The following PREP variants were observed in gnomAD, a reference collection of about 807,000 sequenced individuals.
PREP encodes the protein dJ355L5.1 (prolyl endopeptidase).
A neutral mutation model predicts 87.6 loss-of-function variants in PREP; 29 were observed. The observed-to-expected ratio is 0.33, with a 90% CI of 0.25 to 0.45. The LOEUF (loss-of-function observed/expected upper bound fraction) is 0.45, where lower values mean the gene tolerates loss of function less well. PREP is among the 20% of genes least tolerant of loss of function. The probability of loss-of-function intolerance (pLI) is 1.00; values close to 1 mark genes in which losing one functional copy is unlikely to be tolerated. For synonymous variants in PREP, 337 were observed against 328.6 expected, an observed-to-expected ratio of 1.03 and a Z score of -0.28; for missense variants, 695 against 886.5, an observed-to-expected ratio of 0.78 and a Z score of 2.74.
intron 1 of PREP, among the ~76,000 whole-genome samples, chr6:105,400,544 G>A (rs1773400356): frequency 6.6e-6 from 1 of 152,008 alleles, no homozygotes; most frequent in Non-Finnish European, 1.5e-5. Flanking sequence ...TTACCCAACT[G>A]GTCAACTTCC....
chr6:105,392,668 C>T (rs1773183898), intron 2 of PREP, among the ~76,000 whole-genome samples: 1 of 152,182 alleles, frequency 6.6e-6, no homozygotes, highest in Non-Finnish European at 1.5e-5. Flanking sequence ...CCTCTGCCTC[C>T]TGGGTTCAAG....
intron 14 of PREP, chr6:105,281,411 T>C (rs772532440): frequency 8.2e-5 from 15 of 183,212 alleles, no homozygotes; most frequent in South Asian, 1.4e-4. Flanking sequence ...TTTATGTGAT[T>C]TGGGACCCCT....
At chr6:105,282,880 T>G (rs1770112893) in intron 12 of PREP, among the ~76,000 whole-genome samples, 1 of 152,176 alleles carries the variant, frequency 6.6e-6, no homozygotes, top group Admixed American at 6.5e-5. Flanking sequence ...TGTATGATAA[T>G]GAAAGGATAG....
intron 7 of PREP, among the ~76,000 whole-genome samples, chr6:105,351,800 G>A (rs1259665886): frequency 1.3e-5 from 2 of 152,130 alleles, no homozygotes; most frequent in Non-Finnish European, 2.9e-5. Flanking sequence ...CCCTGACAGA[G>A]AATGCAAACA....
At chr6:105,402,776 C>T in intron 1 of PREP, 71 bp downstream of exon 1, 1 of 1,385,832 alleles carries the variant, frequency 7.2e-7, no homozygotes. Flanking sequence ...AGAGGAGCTG[C>T]GGGTGCCACG....
At chr6:105,301,745 A>T (rs1342671383) in intron 10 of PREP, among the ~76,000 whole-genome samples, 1 of 152,220 alleles carries the variant, frequency 6.6e-6, no homozygotes, top group East Asian at 1.9e-4. Flanking sequence ...CAGTCTATTT[A>T]AAATCTGTTT....
chr6:105,372,450 A>T (rs1772585787), intron 5 of PREP, among the ~76,000 whole-genome samples: 1 of 152,166 alleles, frequency 6.6e-6, no homozygotes, highest in South Asian at 2.1e-4. Flanking sequence ...ACCACGTTGA[A>T]ATGTGGGGTA....
intron 5 of PREP, among the ~76,000 whole-genome samples, chr6:105,372,377 C>G: frequency 6.6e-6 from 1 of 152,192 alleles, no homozygotes; most frequent in South Asian, 2.1e-4. Flanking sequence ...CTCCTAATCT[C>G]TAACACAGGG....
rs933709996 is a variant in PREP at position 105,304,756 on chromosome 6, TA to T, written c.1318-15863del. 4.6e-5 allele frequency among the ~76,000 whole-genome samples: 7 copies of T among 151,708 alleles called. No homozygotes were observed. The East Asian group carries it at 5.8e-4, about 13-fold the overall frequency. On this transcript the variant is annotated intron_variant, in intron 10 of 14. Coordinates refer to ENST00000652536, the MANE Select transcript of PREP (RefSeq NM_002726.5). ...AAAGGTAGTTTGAATGGTGTTTCAT[TA>T]AAAAAAAATTTATACAGAGCAGCCT...
intron 2 of PREP, among the ~76,000 whole-genome samples, chr6:105,389,726 G>A (rs1377928725): frequency 6.6e-6 from 1 of 152,158 alleles, no homozygotes; most frequent in Admixed American, 6.5e-5. Context: ...GTCCCTGCTT[G>A]CCTAGCTCAG....
intron 10 of PREP, among the ~76,000 whole-genome samples, chr6:105,303,401 C>T (rs1009554098): frequency 6.6e-6 from 1 of 152,100 alleles, no homozygotes; most frequent in Non-Finnish European, 1.5e-5. Context: ...CACTTTCTGC[C>T]TTCAACTTCT....
chr6:105,311,098 C>G (rs907300936), intron 10 of PREP, among the ~76,000 whole-genome samples: 2 of 152,214 alleles, frequency 1.3e-5, no homozygotes, highest in African/African-American at 4.8e-5. Context: ...ACCTTGTCCA[C>G]AGTCACCACT....
At chr6:105,293,840 T>C (rs529535156) in intron 10 of PREP, among the ~76,000 whole-genome samples, 1 of 152,348 alleles carries the variant, frequency 6.6e-6, no homozygotes, top group East Asian at 1.9e-4. Flanking sequence ...AAGGAATCCA[T>C]GTAGACATTT....
intron 7 of PREP, among the ~76,000 whole-genome samples, chr6:105,339,317 A>C (rs941503829): frequency 6.6e-6 from 1 of 152,208 alleles, no homozygotes; most frequent in African/African-American, 2.4e-5. Flanking sequence ...CCTGCAGCTG[A>C]GGGTCCTGAC....
intron 2 of PREP, among the ~76,000 whole-genome samples, chr6:105,378,984 A>C (rs1420801377): frequency 6.6e-6 from 1 of 152,222 alleles, no homozygotes; most frequent in East Asian, 1.9e-4. Flanking sequence ...GTGGTGAGAC[A>C]AACTGTTCCA....
At chr6:105,283,337 A>G (rs1050919819) in intron 12 of PREP, among the ~76,000 whole-genome samples, 1 of 152,240 alleles carries the variant, frequency 6.6e-6, no homozygotes, top group African/African-American at 2.4e-5. Context: ...AGGGCCATGA[A>G]ATATCTATAA....
chr6:105,344,934 T>G (rs1188933747), intron 7 of PREP, among the ~76,000 whole-genome samples: 2 of 152,224 alleles, frequency 1.3e-5, no homozygotes, highest in Admixed American at 1.3e-4. Flanking sequence ...ACCTTAGCCA[T>G]AAATACATAC....
At chr6:105,364,828 C>T (rs1078725) in intron 6 of PREP, among the ~76,000 whole-genome samples, 51,663 of 152,150 alleles carry the variant, frequency 0.34, 12,918 homozygotes, top group African/African-American at 0.71. Flanking sequence ...TCTCTCATCA[C>T]AGACACTGTA....
At chr6:105,349,053 T>G (rs1190929223) in intron 7 of PREP, among the ~76,000 whole-genome samples, 1 of 149,674 alleles carries the variant, frequency 6.7e-6, no homozygotes, top group Non-Finnish European at 1.5e-5. Context: ...AATTATTATA[T>G]ATAAGCTTCT....
Sources: allele counts gnomAD v4.1 joint callset (sites outside exome capture counted in the v4.1 genomes callset), GRCh38; gene constraint gnomAD v4.1.1; transcripts MANE v1.5; gene names NCBI Gene and HGNC (gene_info 2026-07-23, HGNC 2026-07-21).